The following AP4S1 variants were observed in gnomAD, a reference collection of about 807,000 sequenced individuals.
AP4S1 encodes the protein AP-4 complex subunit sigma-1.
AP4S1 carries 23 observed loss-of-function variants against 19.8 expected under a neutral mutation model. The observed-to-expected ratio is 1.16, with a 90% confidence interval of 0.84 to 1.65. The LOEUF (loss-of-function observed/expected upper bound fraction) is 1.65. Ranked by LOEUF, AP4S1 falls within the 40% of genes most tolerant of loss-of-function variation. AP4S1 has a pLI of 0.00. For missense variants in AP4S1, 166 were observed against 172.8 expected, an observed-to-expected ratio of 0.96 and a Z score of 0.22; for synonymous variants, 46 against 54.1, an observed-to-expected ratio of 0.85 and a Z score of 0.66.
intron 1 of AP4S1, 27 bp downstream of exon 1, chr14:31,025,814 G>GCCGGCT: frequency 6.6e-7 from 1 of 1,515,718 alleles, no homozygotes; most frequent in South Asian, 1.2e-5. Flanking sequence ...CTCCCAAGGC[G>GCCGGCT]CCGGCTCCGG....
chr14:31,049,832 G>A (rs1316986583), intron 1 of AP4S1, among the ~76,000 whole-genome samples: 1 of 151,762 alleles, frequency 6.6e-6, no homozygotes, highest in East Asian at 1.9e-4. Context: ...GAACTCCTGG[G>A]CTCAAGCGAT....
At chr14:31,039,582 T>G (rs956217005) in intron 1 of AP4S1, among the ~76,000 whole-genome samples, 1 of 150,450 alleles carries the variant, frequency 6.6e-6, no homozygotes, top group East Asian at 2.0e-4. Flanking sequence ...GTTTTTTTTT[T>G]TTTTTTTTGA....
chr14:31,052,538 A>G (rs1885854817), intron 1 of AP4S1, among the ~76,000 whole-genome samples: 1 of 151,994 alleles, frequency 6.6e-6, no homozygotes, highest in Admixed American at 6.6e-5. Context: ...CAGCCTGGCC[A>G]ACATGGTGAA....
Position 31,069,859 on chromosome 14 carries a change from A to T in AP4S1, c.155A>T (p.Tyr52Phe). 1 of 1,612,862 alleles carries T rather than the reference A, an allele frequency of 6.2e-7. No individual in the cohort carries two copies. Reference protein sequence around the residue: ...RSNEQCSFIEYKDFKLIYRQY... With the variant: ...RSNEQCSFIEFKDFKLIYRQY... Reference sequence around the variant, plus strand: ...TTTGTCTAGTGCTCTTTCATTGAATATAAGGATTTTAAGCTGATATATCGG... The same window carrying T: ...TTTGTCTAGTGCTCTTTCATTGAATTTAAGGATTTTAAGCTGATATATCGG... Residue 52 changes from tyrosine to phenylalanine, a missense_variant, in exon 3 of 6, where the codon TAT becomes TTT. Coordinates refer to ENST00000542754, the MANE Select transcript of AP4S1 (RefSeq NM_001128126.3).
intron 2 of AP4S1, 46 bp from the exon 3 acceptor site, chr14:31,069,797 C>G (rs751521854): frequency 7.0e-7 from 1 of 1,423,786 alleles, no homozygotes; most frequent in South Asian, 1.1e-5. Flanking sequence ...TTTTAAAGAA[C>G]TCTCTCTCAG....
At chr14:31,063,116 T>C (rs1338168103) in intron 1 of AP4S1, among the ~76,000 whole-genome samples, 1 of 151,690 alleles carries the variant, frequency 6.6e-6, no homozygotes, top group Non-Finnish European at 1.5e-5. Flanking sequence ...AGCAAAATAG[T>C]GAGACCCCCA....
At chr14:31,071,594 T>C (rs1485254066) in intron 3 of AP4S1, among the ~76,000 whole-genome samples, 1 of 152,088 alleles carries the variant, frequency 6.6e-6, no homozygotes, top group African/African-American at 2.4e-5. Context: ...CTAATTTTTG[T>C]ATTCTTAGTA....
chr14:31,054,084 T>G (rs1885965326), intron 1 of AP4S1, among the ~76,000 whole-genome samples: 1 of 152,198 alleles, frequency 6.6e-6, no homozygotes, highest in Admixed American at 6.5e-5. Context: ...CATTCATTCT[T>G]TCATTTATTC....
chr14:31,062,710 G>C (rs911310395), intron 1 of AP4S1, among the ~76,000 whole-genome samples: 1 of 151,646 alleles, frequency 6.6e-6, no homozygotes, highest in Non-Finnish European at 1.5e-5. Flanking sequence ...GCTCATGCCT[G>C]TAATCCCAGC....
chr14:31,035,570 A>C (rs1217810185), intron 1 of AP4S1, among the ~76,000 whole-genome samples: 1 of 151,796 alleles, frequency 6.6e-6, no homozygotes, highest in South Asian at 2.1e-4. Context: ...TTTAAAAAAA[A>C]GATGGTAATT....
intron 1 of AP4S1, chr14:31,026,109 C>T (rs907907201): frequency 1.3e-6 from 2 of 1,513,260 alleles, no homozygotes; most frequent in East Asian, 5.4e-5. Context: ...GCCCAGGTTC[C>T]CCCCAGGTCC....
chr14:31,026,009 C>T (rs1218305146), intron 1 of AP4S1: 1 of 1,551,580 alleles, frequency 6.4e-7, no homozygotes, highest in South Asian at 1.2e-5. Context: ...ACTGCTGCGG[C>T]CGGGACAGCT....
At chr14:31,073,140 A>G in intron 4 of AP4S1, 167 bp downstream of exon 4, 1 of 677,732 alleles carries the variant, frequency 1.5e-6, no homozygotes, top group South Asian at 1.6e-5. Context: ...GGTTTATCCA[A>G]AGTGTTACAA....
At position 31,096,089 on chromosome 14, in the gene AP4S1, CAAA is replaced by C. The variant is rs768539772; in HGVS notation, c.*3074_*3076del. 2.4e-4 allele frequency: 17 copies of C among 69,456 alleles called. No homozygotes were observed. Among genetic ancestry groups the C allele is most frequent in the African/African-American group, 3.0e-4 (6 of 19,834 alleles). 4.3% of individuals were successfully genotyped at this position (69,456 alleles called of 1,614,324 possible). Reference sequence around the variant, plus strand: ...CTGGGCACAGAGTGAGATTCCGTCTCAAAAAAAAAAAAAAAAAAAAAAGTAGAA... The same window carrying C: ...CTGGGCACAGAGTGAGATTCCGTCTCAAAAAAAAAAAAAAAAAAAGTAGAA... On this transcript the variant is annotated 3_prime_UTR_variant, in exon 6 of 6. Coordinates refer to ENST00000542754, the MANE Select transcript of AP4S1 (RefSeq NM_001128126.3).
chr14:31,027,897 A>G (rs1259715318), intron 1 of AP4S1, among the ~76,000 whole-genome samples: 1 of 152,218 alleles, frequency 6.6e-6, no homozygotes, highest in African/African-American at 2.4e-5. Flanking sequence ...GATGCAGGAA[A>G]ATTGCATTGA....
chr14:31,025,709 G>T lies in AP4S1; in HGVS notation c.-150G>T, dbSNP rs1413461222. ...CACCGCGTAGCCAGTGAAGGTTGGG[G>T]AGCAAGCTTATGCGGGAAAGAGGGA... On this transcript the variant is annotated 5_prime_UTR_variant, in exon 1 of 6. Coordinates refer to ENST00000542754, the MANE Select transcript of AP4S1 (RefSeq NM_001128126.3). 4 of 818,280 alleles carry T rather than the reference G, an allele frequency of 4.9e-6. No homozygotes were observed. The South Asian group carries it at 5.4e-5, about 11-fold the overall frequency. 50.7% of individuals were successfully genotyped at this position (818,280 alleles called of 1,614,324 possible). A position where few individuals can be genotyped will look rare whatever the true frequency, so the allele number is the denominator to read the frequency against.
At chr14:31,034,256 A>G (rs1057041512) in intron 1 of AP4S1, among the ~76,000 whole-genome samples, 5 of 152,224 alleles carry the variant, frequency 3.3e-5, no homozygotes, top group Admixed American at 2.0e-4. Flanking sequence ...TTATAACAGC[A>G]TATTTTTAAA....
chr14:31,055,006 C>A (rs1417241479), intron 1 of AP4S1, among the ~76,000 whole-genome samples: 2 of 149,890 alleles, frequency 1.3e-5, no homozygotes, highest in African/African-American at 2.4e-5. Flanking sequence ...CTAATAATAA[C>A]ATCAGACAAA....
intron 1 of AP4S1, among the ~76,000 whole-genome samples, chr14:31,027,887 G>A (rs1018816875): frequency 3.3e-5 from 5 of 152,060 alleles, no homozygotes; most frequent in South Asian, 2.1e-4. Flanking sequence ...TATTAATAGC[G>A]ATGCAGGAAA....
Sources: allele counts gnomAD v4.1 joint callset (sites outside exome capture counted in the v4.1 genomes callset), GRCh38; gene constraint gnomAD v4.1.1; transcripts MANE v1.5; gene names NCBI Gene and HGNC (gene_info 2026-07-23, HGNC 2026-07-21).